SPIDR: variants seen among roughly 807,000 people sequenced by gnomAD.
The protein encoded by SPIDR is DNA repair-scaffolding protein.
SPIDR carries 93 observed loss-of-function variants against 104.6 expected under a neutral mutation model. The ratio of observed to expected loss-of-function variants is 0.89; its 90% CI spans 0.75 to 1.06. SPIDR has a LOEUF of 1.06. Among genes scored for constraint, SPIDR ranks in the 50% least tolerant of loss-of-function variants. SPIDR has a pLI of 0.00. For synonymous variants in SPIDR, 431 were observed against 416.9 expected, an observed-to-expected ratio of 1.03 and a Z score of -0.41; for missense variants, 1,154 against 1,111.2, an observed-to-expected ratio of 1.04 and a Z score of -0.55.
At chr8:47,345,892 A>G (rs904218599) in intron 5 of SPIDR, among the ~76,000 whole-genome samples, 3 of 152,200 alleles carry the variant, frequency 2.0e-5, no homozygotes, top group Non-Finnish European at 4.4e-5. Flanking sequence ...CTAAATATAC[A>G]ATGATGTCAT....
At chr8:47,647,675 A>AGG (rs2070779305) in intron 10 of SPIDR, among the ~76,000 whole-genome samples, 1 of 150,342 alleles carries the variant, frequency 6.7e-6, no homozygotes, top group Non-Finnish European at 1.5e-5. Context: ...AGAGGGAGAG[A>AGG]GGGAGAGAGA....
intron 8 of SPIDR, among the ~76,000 whole-genome samples, chr8:47,453,021 A>T (rs1315026011): frequency 1.3e-5 from 2 of 152,180 alleles, no homozygotes; most frequent in African/African-American, 4.8e-5. Context: ...AAGTCTCAGG[A>T]TACAAAATCA....
intron 5 of SPIDR, among the ~76,000 whole-genome samples, chr8:47,369,006 T>G (rs1587802330): frequency 1.3e-5 from 2 of 152,310 alleles, no homozygotes; most frequent in Admixed American, 6.5e-5. Flanking sequence ...CAGTATGTGT[T>G]TCATAGGCAC....
chr8:47,333,229 G>A (rs1034766364), intron 5 of SPIDR, among the ~76,000 whole-genome samples: 5 of 152,060 alleles, frequency 3.3e-5, no homozygotes, highest in African/African-American at 9.7e-5. Flanking sequence ...CTCCTGAAGG[G>A]ATCTGCTTGA....
chr8:47,457,643 C>G (rs1363643246), intron 8 of SPIDR, among the ~76,000 whole-genome samples: 2 of 151,968 alleles, frequency 1.3e-5, no homozygotes, highest in Non-Finnish European at 2.9e-5. Flanking sequence ...CTTTTGGGTT[C>G]TTGGTCATGA....
At position 47,614,173 on chromosome 8, in the gene SPIDR, A is replaced by G. The variant is rs568948490; in HGVS notation, c.1544+14977A>G. 2.7e-5 allele frequency among the ~76,000 whole-genome samples: 4 copies of G among 150,392 alleles called. No individual in the cohort carries two copies. The East Asian group carries it at 5.8e-4, about 22-fold the overall frequency. On this transcript the variant is annotated intron_variant, in intron 10 of 19. Transcript: ENST00000297423. ...GCTGGGGATAACGGCTCCCAGCTCC[A>G]TATCCACGTCCCTGCAAAGGACATG...
intron 6 of SPIDR, among the ~76,000 whole-genome samples, chr8:47,398,909 A>G (rs1221794401): frequency 1.3e-5 from 2 of 152,190 alleles, no homozygotes; most frequent in African/African-American, 4.8e-5. Flanking sequence ...CCACTGTGAC[A>G]GATGCTGCCA....
chr8:47,314,727 G>A (rs587735952), intron 5 of SPIDR, among the ~76,000 whole-genome samples: 2 of 152,176 alleles, frequency 1.3e-5, no homozygotes, highest in African/African-American at 2.4e-5. Context: ...TTTGGGTGGA[G>A]ACACAGCCAA....
At chr8:47,555,526 C>G (rs1328550761) in intron 8 of SPIDR, among the ~76,000 whole-genome samples, 1 of 152,086 alleles carries the variant, frequency 6.6e-6, no homozygotes, top group Non-Finnish European at 1.5e-5. Context: ...AAAAATTGAG[C>G]AATAGAAGCA....
chr8:47,264,341 G>A (rs538042839), intron 1 of SPIDR, among the ~76,000 whole-genome samples: 2 of 152,204 alleles, frequency 1.3e-5, no homozygotes, highest in African/African-American at 4.8e-5. Flanking sequence ...AAAGTTGTTT[G>A]CCTCTTAACT....
At chr8:47,537,535 A>G (rs986830873) in intron 8 of SPIDR, among the ~76,000 whole-genome samples, 1 of 152,220 alleles carries the variant, frequency 6.6e-6, no homozygotes, top group Non-Finnish European at 1.5e-5. Flanking sequence ...TAGTAAAAAG[A>G]TCCATGGGGT....
chr8:47,720,294 GT>G (rs973378584), intron 16 of SPIDR, among the ~76,000 whole-genome samples: 3 of 152,212 alleles, frequency 2.0e-5, no homozygotes, highest in Non-Finnish European at 4.4e-5. Flanking sequence ...TGCAATAGAC[GT>G]TTGTGAAGGT....
intron 1 of SPIDR, among the ~76,000 whole-genome samples, chr8:47,273,337 G>A (rs2035715975): frequency 6.6e-6 from 1 of 152,154 alleles, no homozygotes; most frequent in East Asian, 1.9e-4. Context: ...TTTTATAAAG[G>A]TATTCAGTAG....
At chr8:47,483,873 G>A (rs2077199725) in intron 8 of SPIDR, among the ~76,000 whole-genome samples, 1 of 152,060 alleles carries the variant, frequency 6.6e-6, no homozygotes, top group African/African-American at 2.4e-5. Context: ...TCTTAGAAGC[G>A]AGTATGAGAG....
In SPIDR at chr8:47,643,681, G is replaced by A. The variant is rs550892335; in HGVS notation, c.1545-30120G>A. ...GTGCCTGACCGCAACTTCTATTTTA[G>A]AGAAAGCTGCAACTCAATAATTAGT... On this transcript the variant is annotated intron_variant, in intron 10 of 19. Coordinates refer to ENST00000297423, the MANE Select transcript of SPIDR (RefSeq NM_001080394.4). 3.0e-3 allele frequency among the ~76,000 whole-genome samples: 452 copies of A among 152,194 alleles called. 3 individuals carry two copies. Among genetic ancestry groups the A allele is most frequent in the African/African-American group, 0.011 (442 of 41,524 alleles).
intron 5 of SPIDR, among the ~76,000 whole-genome samples, chr8:47,323,612 A>G (rs1478747144): frequency 5.9e-5 from 9 of 152,082 alleles, no homozygotes; most frequent in African/African-American, 1.4e-4. Context: ...TTTAGATCCA[A>G]TTGGTTTGTC....
intron 5 of SPIDR, among the ~76,000 whole-genome samples, chr8:47,339,677 A>G (rs1767860348): frequency 2.0e-5 from 3 of 150,774 alleles, no homozygotes; most frequent in Non-Finnish European, 4.4e-5. Flanking sequence ...ACTGTTTACA[A>G]TCTTTTTTTT....
intron 10 of SPIDR, among the ~76,000 whole-genome samples, chr8:47,641,312 A>T (rs1485585139): frequency 2.0e-5 from 3 of 152,100 alleles, no homozygotes; most frequent in African/African-American, 7.2e-5. Context: ...GGTGTGAGCC[A>T]CTGTGCCCAG....
At chr8:47,631,066 G>A (rs1284351487) in intron 10 of SPIDR, among the ~76,000 whole-genome samples, 4 of 152,208 alleles carry the variant, frequency 2.6e-5, no homozygotes, top group Non-Finnish European at 5.9e-5. Context: ...GGGACGGAGA[G>A]AGACAGCGAT....
Sources: allele counts gnomAD v4.1 joint callset (sites outside exome capture counted in the v4.1 genomes callset), GRCh38; gene constraint gnomAD v4.1.1; transcripts MANE v1.5; gene names NCBI Gene and HGNC (gene_info 2026-07-23, HGNC 2026-07-21).